The following SLC28A3 variants were observed in gnomAD, a reference collection of about 807,000 sequenced individuals.
SLC28A3 encodes the protein solute carrier family 28 member 3.
SLC28A3 carries 68 observed loss-of-function variants against 84.2 expected under a neutral mutation model. The ratio of observed to expected loss-of-function variants is 0.81; its 90% CI spans 0.66 to 0.99. The LOEUF is 0.99. SLC28A3 is among the 50% of genes least tolerant of loss of function. SLC28A3 has a pLI of 0.00. For missense variants in SLC28A3, 712 were observed against 841.5 expected, an observed-to-expected ratio of 0.85 and a Z score of 1.90; for synonymous variants, 267 against 303.6, an observed-to-expected ratio of 0.88 and a Z score of 1.25.
intron 1 of SLC28A3, among the ~76,000 whole-genome samples, chr9:84,335,108 C>T (rs1165335476): frequency 6.6e-6 from 1 of 152,188 alleles, no homozygotes; most frequent in Non-Finnish European, 1.5e-5. Context: ...CTTCTGAGCT[C>T]CAGGTGAACG....
chr9:84,313,312 C>T (rs1826053584), intron 2 of SLC28A3, 47 bp downstream of exon 2: 3 of 1,549,736 alleles, frequency 1.9e-6, no homozygotes, highest in Admixed American at 1.8e-5. Flanking sequence ...GCCTGTTGCG[C>T]AGCGGCTGCC....
intron 14 of SLC28A3, among the ~76,000 whole-genome samples, chr9:84,282,928 C>T (rs1302089296): frequency 3.9e-5 from 6 of 152,128 alleles, no homozygotes; most frequent in Admixed American, 2.0e-4. Flanking sequence ...TCCATCAGCG[C>T]GCATATAGCT....
At chr9:84,344,147 G>C (rs950352952), upstream of SLC28A3, among the ~76,000 whole-genome samples, 2 of 150,588 alleles carry the variant, frequency 1.3e-5, no homozygotes, top group African/African-American at 2.4e-5. Context: ...GGGGTCTGGG[G>C]AGTCATGCCC....
chr9:84,306,070 C>T (rs943093094), intron 3 of SLC28A3, among the ~76,000 whole-genome samples: 1 of 152,070 alleles, frequency 6.6e-6, no homozygotes, highest in South Asian at 2.1e-4. Flanking sequence ...GCTGGGAGGC[C>T]AGGGTCATAG....
chr9:84,340,762 A>G, upstream of SLC28A3: 1 of 1,022,290 alleles, frequency 9.8e-7, no homozygotes, highest in Non-Finnish European at 1.5e-6. Flanking sequence ...TCAGTTTGGA[A>G]ACTTCTGCAA....
At chr9:84,309,539 A>G in intron 3 of SLC28A3, 90 bp downstream of exon 3, 2 of 798,326 alleles carry the variant, frequency 2.5e-6, no homozygotes, top group Non-Finnish European at 3.8e-6. Flanking sequence ...AAAAAAAAAA[A>G]AAAAAAAAAG....
chr9:84,320,061 T>G (rs796131473), intron 1 of SLC28A3, among the ~76,000 whole-genome samples: 5 of 137,064 alleles, frequency 3.6e-5, no homozygotes, highest in African/African-American at 1.4e-4. Flanking sequence ...TTTTTTTTTT[T>G]TTTTTTGAGA....
At chr9:84,309,946 G>A (rs551473349) in intron 2 of SLC28A3, among the ~76,000 whole-genome samples, 14 of 152,226 alleles carry the variant, frequency 9.2e-5, no homozygotes, top group Non-Finnish European at 1.6e-4. Context: ...CAAAGGAGCT[G>A]TTGGTATTTT....
At chr9:84,307,362 CGGA>C (rs1825831085) in intron 3 of SLC28A3, among the ~76,000 whole-genome samples, 1 of 145,018 alleles carries the variant, frequency 6.9e-6, no homozygotes, top group Non-Finnish European at 1.5e-5. Flanking sequence ...ATCTAGGAGG[CGGA>C]GGTTGCAGTG....
chr9:84,341,447 CAGAT>C (rs1194405891), upstream of SLC28A3, among the ~76,000 whole-genome samples: 1 of 152,066 alleles, frequency 6.6e-6, no homozygotes, highest in East Asian at 1.9e-4. Flanking sequence ...GATACATAGA[CAGAT>C]AGGTAGGTAG....
chr9:84,359,671 G>A, the SLC28A3 span, among the ~76,000 whole-genome samples: 1 of 152,096 alleles, frequency 6.6e-6, no homozygotes, highest in African/African-American at 2.4e-5. Flanking sequence ...AGACAGGTAG[G>A]AGCCTAAGAA....
rs151144501 is a variant in SLC28A3, at chr9:84,305,283, C to G, written c.305G>C (p.Arg102Pro). The part of the protein sequence containing the change: ...GFCRKHKTTL[R>P]HIIWGILLAG... ...TAATAAAATGCCCCAGATGATGTGC[C>G]GAAGAGTTGTTTTGTGTTTCCTACA... Residue 102 changes from arginine to proline, a missense_variant, in exon 4 of 18, where the codon CGG becomes CCG. Physicochemically the swap from Arg to Pro is moderately radical, Grantham distance 103. Transcript: ENST00000376238. 2 of 1,613,498 alleles carry G rather than the reference C, an allele frequency of 1.2e-6. No individual in the cohort carries two copies. Among genetic ancestry groups the G allele is most frequent in the African/African-American group, 2.7e-5 (2 of 74,768 alleles).
At chr9:84,355,465 C>G in the SLC28A3 span, among the ~76,000 whole-genome samples, 1 of 152,122 alleles carries the variant, frequency 6.6e-6, no homozygotes, top group African/African-American at 2.4e-5. Context: ...CAGGCCAATA[C>G]TAATCCAAAT....
In SLC28A3 at chr9:84,340,643, G is replaced by C; in HGVS notation, c.-10C>G. On this transcript the variant is annotated 5_prime_UTR_variant, in exon 1 of 18. Transcript: ENST00000376238. Reference sequence around the variant, plus strand: ...TACTCCTCAGCTCCATGCTCTTTTTGCTGCTGGCTGGCTCTGGTCTGGAGG... The same window carrying C: ...TACTCCTCAGCTCCATGCTCTTTTTCCTGCTGGCTGGCTCTGGTCTGGAGG... The C allele has an allele frequency of 6.2e-7, 1 of 1,614,090 alleles. No individual in the cohort carries two copies. The highest frequency in any genetic ancestry group is 8.5e-7 in the Non-Finnish European group (1 of 1,180,006).
At chr9:84,289,068 C>A (rs1825109955) in intron 11 of SLC28A3, among the ~76,000 whole-genome samples, 1 of 152,038 alleles carries the variant, frequency 6.6e-6, no homozygotes, top group South Asian at 2.1e-4. Flanking sequence ...TCCTACCTGC[C>A]CTCACATGGT....
chr9:84,324,583 G>A (rs151224974), intron 1 of SLC28A3, among the ~76,000 whole-genome samples: 43 of 151,746 alleles, frequency 2.8e-4, no homozygotes, highest in Admixed American at 5.9e-4. Flanking sequence ...GGCGGAGGTT[G>A]CAGTGAGCTG....
intron 3 of SLC28A3, among the ~76,000 whole-genome samples, chr9:84,309,222 T>C (rs1825897968): frequency 6.6e-6 from 1 of 151,602 alleles, no homozygotes; most frequent in Admixed American, 6.6e-5. Context: ...TTATAATAAG[T>C]GTTAAAAATC....
the SLC28A3 span, among the ~76,000 whole-genome samples, chr9:84,363,178 T>C: frequency 6.7e-6 from 1 of 149,142 alleles, no homozygotes; most frequent in Middle Eastern, 3.5e-3. Context: ...AATCTACTAG[T>C]ATGTAAATAA....
chr9:84,287,725 A>G (rs1269620149), intron 12 of SLC28A3, among the ~76,000 whole-genome samples: 4 of 151,950 alleles, frequency 2.6e-5, no homozygotes, highest in South Asian at 2.1e-4. Context: ...GTGGTGGTGC[A>G]TGCCTGTAGT....
Sources: allele counts gnomAD v4.1 joint callset (sites outside exome capture counted in the v4.1 genomes callset), GRCh38; gene constraint gnomAD v4.1.1; transcripts MANE v1.5; gene names NCBI Gene and HGNC (gene_info 2026-07-23, HGNC 2026-07-21).